PRKN: variants seen among roughly 807,000 people sequenced by gnomAD.
The protein encoded by PRKN is parkin RBR E3 ubiquitin protein ligase.
In PRKN, 56 loss-of-function variants were observed where a neutral mutation model predicts 59.5. The observed-to-expected ratio is 0.94, with a 90% CI of 0.76 to 1.18. The LOEUF (loss-of-function observed/expected upper bound fraction) is 1.18, where lower values mean the gene tolerates loss of function less well. PRKN is among the 50% of genes most tolerant of loss of function. PRKN has a pLI of 0.00. For synonymous variants in PRKN, 250 were observed against 222.1 expected (o/e 1.13, Z -1.12); for missense variants, 657 against 596.4 (o/e 1.10, Z -1.06).
chr6:162,285,005 G>C (rs1237268149), intron 2 of PRKN, among the ~76,000 whole-genome samples: 1 of 152,074 alleles, frequency 6.6e-6, no homozygotes, highest in East Asian at 1.9e-4. Context: ...ATGAGATTCA[G>C]GTATAGACAG....
rs192359020 is a variant in PRKN at position 161,836,447 on chromosome 6, A to C, written c.735-50539T>G. 6.6e-5 allele frequency among the ~76,000 whole-genome samples: 10 copies of C among 152,276 alleles called. No homozygotes were observed. In the East Asian group the frequency reaches 1.7e-3, roughly 27 times the overall value. On this transcript the variant is annotated intron_variant, in intron 6 of 11. Coordinates refer to ENST00000366898, the MANE Select transcript of PRKN (RefSeq NM_004562.3). ...GCCTCGATTAAATCCAGCCTCCTAC[A>C]TGCAATCAATTTTCAATTTTATCAC...
At chr6:161,748,395 G>A (rs1199133931) in intron 7 of PRKN, among the ~76,000 whole-genome samples, 3 of 150,162 alleles carry the variant, frequency 2.0e-5, no homozygotes, top group Non-Finnish European at 4.4e-5. Context: ...ACCTAAAAAT[G>A]AAACTCAGAC....
At chr6:162,191,615 G>T (rs1451725758) in intron 4 of PRKN, among the ~76,000 whole-genome samples, 1 of 151,732 alleles carries the variant, frequency 6.6e-6, no homozygotes, top group African/African-American at 2.4e-5. Context: ...GCTAATTTTT[G>T]TATTTTTAGT....
intron 2 of PRKN, among the ~76,000 whole-genome samples, chr6:162,419,045 C>G (rs1788814356): frequency 6.6e-6 from 1 of 151,758 alleles, no homozygotes; most frequent in African/African-American, 2.4e-5. Context: ...TCCTTAGGCT[C>G]CAGGAAAAGC....
At chr6:162,078,861 T>C (rs9365370) in intron 4 of PRKN, among the ~76,000 whole-genome samples, 38,414 of 132,826 alleles carry the variant, frequency 0.29, 5,362 homozygotes, top group East Asian at 0.62. Flanking sequence ...TATTAATACT[T>C]AATAATTAAT....
intron 1 of PRKN, among the ~76,000 whole-genome samples, chr6:162,619,111 T>C (rs1241430646): frequency 1.3e-5 from 2 of 151,348 alleles, no homozygotes; most frequent in African/African-American, 2.4e-5. Flanking sequence ...TCAAGCAAAA[T>C]GAACCTTAAA....
At chr6:161,725,435 C>T (rs562781667) in intron 7 of PRKN, among the ~76,000 whole-genome samples, 2 of 152,250 alleles carry the variant, frequency 1.3e-5, no homozygotes, top group Admixed American at 6.5e-5. Flanking sequence ...ATAGTACCAC[C>T]TAAATATTTC....
At chr6:161,835,737 C>T (rs913099877) in intron 6 of PRKN, among the ~76,000 whole-genome samples, 2 of 152,198 alleles carry the variant, frequency 1.3e-5, no homozygotes, top group African/African-American at 2.4e-5. Context: ...GCCGGCAGCA[C>T]GTGCTCTTAA....
chr6:162,605,120 A>T (rs956391818), intron 1 of PRKN, among the ~76,000 whole-genome samples: 1 of 152,210 alleles, frequency 6.6e-6, no homozygotes, highest in African/African-American at 2.4e-5. Flanking sequence ...AGAATCCTTT[A>T]CTTCTAGCTT....
chr6:162,648,989 T>C (rs2803101), intron 1 of PRKN, among the ~76,000 whole-genome samples: 81,250 of 151,886 alleles, frequency 0.53, 22,548 homozygotes, highest in African/African-American at 0.65. Flanking sequence ...AGAGAAGGAA[T>C]TGTGCCTCAA....
chr6:161,736,732 C>A (rs930034069), intron 7 of PRKN, among the ~76,000 whole-genome samples: 3 of 152,178 alleles, frequency 2.0e-5, no homozygotes, highest in Admixed American at 1.3e-4. Context: ...AGATATACAA[C>A]TTTCTGGGGG....
chr6:161,596,619 C>G (rs1285576752), intron 7 of PRKN, among the ~76,000 whole-genome samples: 4 of 152,078 alleles, frequency 2.6e-5, no homozygotes, highest in Admixed American at 2.6e-4. Flanking sequence ...GAACATTTAG[C>G]ACACACAAAA....
chr6:162,524,882 TATA>T (rs1778218789), intron 1 of PRKN, among the ~76,000 whole-genome samples: 1 of 152,184 alleles, frequency 6.6e-6, no homozygotes, highest in African/African-American at 2.4e-5. Flanking sequence ...CTCCCAAGGT[TATA>T]AGACTGAAGT....
intron 2 of PRKN, among the ~76,000 whole-genome samples, chr6:162,300,063 G>A (rs904216171): frequency 6.6e-6 from 1 of 151,686 alleles, no homozygotes; most frequent in South Asian, 2.1e-4. Context: ...TACTGAACAC[G>A]TGTAGTAGCA....
At position 161,497,002 on chromosome 6, in the gene PRKN, G is replaced by A. The variant is rs1375940585; in HGVS notation, c.1083+51852C>T. On this transcript the variant is annotated intron_variant, in intron 9 of 11. Coordinates refer to ENST00000366898, the MANE Select transcript of PRKN (RefSeq NM_004562.3). The surrounding 1 kb of genome is among the most constrained non-coding windows in gnomAD (Gnocchi z 4.6). Reference sequence around the variant, plus strand: ...ACATTTCTGCTGTTCTACGCCACCCGGCTTGTGGCACTTTATAATGGCAGC... The same window carrying A: ...ACATTTCTGCTGTTCTACGCCACCCAGCTTGTGGCACTTTATAATGGCAGC... Among the ~76,000 whole-genome samples, 4 of 152,198 alleles carry A rather than the reference G, an allele frequency of 2.6e-5. No individual in the cohort carries two copies. The highest frequency in any genetic ancestry group is 6.5e-5 in the Admixed American group (1 of 15,276).
chr6:161,416,469 G>C (rs1315236709), intron 9 of PRKN, among the ~76,000 whole-genome samples: 2 of 152,046 alleles, frequency 1.3e-5, no homozygotes, highest in African/African-American at 4.8e-5. Flanking sequence ...ATAAATGTGT[G>C]AATGAGGCAT....
chr6:161,865,058 A>G (rs935218900), intron 6 of PRKN, among the ~76,000 whole-genome samples: 2 of 152,218 alleles, frequency 1.3e-5, no homozygotes, highest in African/African-American at 4.8e-5. Flanking sequence ...TTCTTGATCC[A>G]TGGGCTGCAG....
At chr6:161,866,896 T>C (rs565188139) in intron 6 of PRKN, among the ~76,000 whole-genome samples, 1 of 152,256 alleles carries the variant, frequency 6.6e-6, no homozygotes, top group Admixed American at 6.5e-5. Flanking sequence ...TCTCTAGAGT[T>C]GGCTCTGGCT....
In PRKN at chr6:161,554,259, G is replaced by T. The variant is rs1322359505; in HGVS notation, c.934-5256C>A. On this transcript the variant is annotated intron_variant, in intron 8 of 11. Transcript: ENST00000366898. The surrounding 1 kb of genome is among the most constrained non-coding windows in gnomAD (Gnocchi z 4.5). ...TACCATCACTGTGCCTATGATTTCTGAAAACTTCAAATATGTTTTCATATG... is the reference window on the plus strand; with the variant it reads ...TACCATCACTGTGCCTATGATTTCTTAAAACTTCAAATATGTTTTCATATG... Among the ~76,000 whole-genome samples the T allele has an allele frequency of 2.0e-5, 3 of 152,116 alleles. No homozygotes were observed. The East Asian group carries it at 5.8e-4, about 29-fold the overall frequency.
Sources: gnomAD v4.1 joint callset for allele counts (sites outside exome capture counted in the v4.1 genomes callset) on GRCh38, gnomAD v4.1.1 for gene constraint, Gnocchi (gnomAD v3.1) non-coding constraint, MANE v1.5 for transcripts, NCBI Gene and HGNC (gene_info 2026-07-23, HGNC 2026-07-21) for gene names.